Variants in PLEKHG1 observed in about 807,000 individuals in gnomAD.
PLEKHG1 encodes the protein pleckstrin homology and RhoGEF domain containing G1.
PLEKHG1 carries 44 observed loss-of-function variants against 100.8 expected under a neutral mutation model. The ratio of observed to expected loss-of-function variants is 0.44; its 90% CI spans 0.34 to 0.56. PLEKHG1 has a LOEUF of 0.56. Ranked by LOEUF, PLEKHG1 falls within the 20% of genes least tolerant of loss-of-function variation. The pLI, the probability that PLEKHG1 is intolerant of heterozygous loss-of-function variation, is 0.01. For missense variants in PLEKHG1, 1,545 were observed against 1,720.9 expected, an observed-to-expected ratio of 0.90 and a Z score of 1.81; for synonymous variants, 640 against 662.5, an observed-to-expected ratio of 0.97 and a Z score of 0.52.
At chr6:150,761,854 C>G (rs553562662) in intron 2 of PLEKHG1, among the ~76,000 whole-genome samples, 12 of 152,194 alleles carry the variant, frequency 7.9e-5, no homozygotes, top group Non-Finnish European at 1.6e-4. Flanking sequence ...GAAGAGCTGC[C>G]ACCTCCTGCC....
At chr6:150,723,634 G>T (rs1258339238) in intron 1 of PLEKHG1, among the ~76,000 whole-genome samples, 1 of 152,174 alleles carries the variant, frequency 6.6e-6, no homozygotes. Context: ...ACATGAAAGA[G>T]CATTGAGGTT....
intron 3 of PLEKHG1, among the ~76,000 whole-genome samples, chr6:150,661,794 C>T (rs1262616659): frequency 6.6e-6 from 1 of 152,164 alleles, no homozygotes; most frequent in East Asian, 1.9e-4. Flanking sequence ...TTCAGGGGAG[C>T]TTCATGTGTA....
rs181640822 is a variant in PLEKHG1 at position 150,711,331 on chromosome 6, G to A, written c.-98-22253G>A. ...CCCCATCACTGAACCCTGCCTCCAG[G>A]AATCCCTTCAGTTAGGTATTCCATC... On this transcript the variant is annotated intron_variant, in intron 3 of 3. Transcript: ENST00000367326. Among the ~76,000 whole-genome samples the A allele has an allele frequency of 1.4e-4, 21 of 152,238 alleles. 1 individual carries two copies. The highest frequency in any genetic ancestry group is 1.2e-3 in the Admixed American group (18 of 15,296).
chr6:150,707,646 A>G (rs1781078512), intron 3 of PLEKHG1, among the ~76,000 whole-genome samples: 1 of 151,228 alleles, frequency 6.6e-6, no homozygotes, highest in African/African-American at 2.4e-5. Flanking sequence ...TGGCACCCCA[A>G]CCCCAAGCCC....
intron 2 of PLEKHG1, among the ~76,000 whole-genome samples, chr6:150,757,207 G>T (rs1783893358): frequency 6.6e-6 from 1 of 152,082 alleles, no homozygotes; most frequent in Admixed American, 6.6e-5. Context: ...TTACCATGTT[G>T]GTCAGGCTGG....
intron 5 of PLEKHG1, among the ~76,000 whole-genome samples, chr6:150,796,235 G>C (rs1786325383): frequency 6.6e-6 from 1 of 152,190 alleles, no homozygotes; most frequent in Non-Finnish European, 1.5e-5. Context: ...TGTGTGTCAT[G>C]TTTTTAAGAA....
chr6:150,609,058 A>G (rs1461509152), intron 1 of PLEKHG1, among the ~76,000 whole-genome samples: 1 of 152,236 alleles, frequency 6.6e-6, no homozygotes, highest in African/African-American at 2.4e-5. Context: ...AGGTGTTAGA[A>G]GAAGGGCGTT....
At chr6:150,693,435 T>C (rs1241812276) in intron 3 of PLEKHG1, among the ~76,000 whole-genome samples, 1 of 152,196 alleles carries the variant, frequency 6.6e-6, no homozygotes, top group African/African-American at 2.4e-5. Context: ...GCAAACAAAA[T>C]CCACAGCAGC....
intron 7 of PLEKHG1, among the ~76,000 whole-genome samples, chr6:150,805,307 C>T (rs75446226): frequency 0.038 from 5,815 of 152,262 alleles, 199 homozygotes; most frequent in East Asian, 0.13. Context: ...TTGAGCCTCC[C>T]ACTTCTATTA....
At chr6:150,664,543 G>T (rs1360711994) in intron 3 of PLEKHG1, 1 of 152,212 alleles carries the variant, frequency 6.6e-6, no homozygotes, top group Non-Finnish European at 1.5e-5. Flanking sequence ...AATATAATCT[G>T]TGAATCCCTG....
intron 3 of PLEKHG1, among the ~76,000 whole-genome samples, chr6:150,769,356 C>T (rs1037817714): frequency 1.3e-5 from 2 of 151,882 alleles, no homozygotes; most frequent in African/African-American, 4.8e-5. Context: ...CCGAGGTGGA[C>T]AGATCACTTG....
At chr6:150,604,738 T>C (rs928405422) in intron 1 of PLEKHG1, among the ~76,000 whole-genome samples, 13 of 152,216 alleles carry the variant, frequency 8.5e-5, no homozygotes, top group African/African-American at 3.1e-4. Context: ...AGCATAGCCA[T>C]CAGTTGACAT....
chr6:150,703,108 G>A lies in PLEKHG1; in HGVS notation c.-98-30476G>A, dbSNP rs5029651. ...CAAGGTACTTGGAGAGATACAAGCT[G>A]TCAGGGAGGCAGGGGAGTCAGACCC... On this transcript the variant is annotated intron_variant, in intron 3 of 3. Transcript: ENST00000367326. Among the ~76,000 whole-genome samples the A allele has an allele frequency of 3.4e-3, 525 of 152,298 alleles. 3 individuals carry two copies. The highest frequency in any genetic ancestry group is 0.012 in the African/African-American group (499 of 41,546).
upstream of PLEKHG1, among the ~76,000 whole-genome samples, chr6:150,717,411 A>G (rs1220281412): frequency 6.6e-6 from 1 of 151,574 alleles, no homozygotes; most frequent in Non-Finnish European, 1.5e-5. Flanking sequence ...TCTGGCCTCA[A>G]GTGATCCTTC....
intron 15 of PLEKHG1, 132 bp from the exon 17 acceptor site, chr6:150,839,701 T>C (rs1309561865): frequency 1.6e-6 from 1 of 618,448 alleles, no homozygotes; most frequent in Admixed American, 2.9e-5. Flanking sequence ...TTACTCATCC[T>C]TAGACATCAG....
intron 1 of PLEKHG1, among the ~76,000 whole-genome samples, chr6:150,733,237 G>A (rs191296667): frequency 0.016 from 2,364 of 152,278 alleles, 78 homozygotes; most frequent in African/African-American, 0.054. Flanking sequence ...AATCTAGACT[G>A]ATTTGCATAT....
At chr6:150,689,711 C>T (rs1254908956) in intron 3 of PLEKHG1, among the ~76,000 whole-genome samples, 1 of 151,980 alleles carries the variant, frequency 6.6e-6, no homozygotes, top group Admixed American at 6.6e-5. Context: ...AAAGATTAGC[C>T]GTGCATGGTG....
intron 2 of PLEKHG1, among the ~76,000 whole-genome samples, chr6:150,767,582 A>C (rs997160126): frequency 2.0e-5 from 3 of 152,226 alleles, no homozygotes; most frequent in Non-Finnish European, 4.4e-5. Context: ...ATGAAGGTGG[A>C]TTAATAAAAG....
chr6:150,702,594 T>TTA (rs1251971381), intron 3 of PLEKHG1, among the ~76,000 whole-genome samples: 3 of 51,468 alleles, frequency 5.8e-5, no homozygotes, highest in Non-Finnish European at 1.2e-4. Flanking sequence ...GTGTGTGTAC[T>TTA]TATATATATG....
Sources: allele counts gnomAD v4.1 joint callset (sites outside exome capture counted in the v4.1 genomes callset), GRCh38; gene constraint gnomAD v4.1.1; transcripts MANE v1.5; gene names NCBI Gene and HGNC (gene_info 2026-07-23, HGNC 2026-07-21).